ORC5: variants seen among roughly 807,000 people sequenced by gnomAD.
ORC5 encodes the protein protein phosphatase 1, regulatory subunit 117.
A neutral mutation model predicts 58.8 loss-of-function variants in ORC5; 39 were observed. The ratio of observed to expected loss-of-function variants is 0.66; its 90% CI spans 0.51 to 0.87. The LOEUF is 0.87. ORC5 is among the 40% of genes least tolerant of loss of function. ORC5 has a pLI of 0.00. For synonymous variants in ORC5, 218 were observed against 177.6 expected (o/e 1.23, Z -1.81); for missense variants, 493 against 506.3 (o/e 0.97, Z 0.25).
intron 12 of ORC5, among the ~76,000 whole-genome samples, chr7:104,154,827 C>T (rs1798898146): frequency 6.6e-6 from 1 of 151,574 alleles, no homozygotes; most frequent in Non-Finnish European, 1.5e-5. Flanking sequence ...ATAAATTTAC[C>T]ACATATCTAC....
At chr7:104,171,107 TAA>T (rs1799203500) in intron 8 of ORC5, among the ~76,000 whole-genome samples, 1 of 152,194 alleles carries the variant, frequency 6.6e-6, no homozygotes, top group Non-Finnish European at 1.5e-5. Flanking sequence ...CCATTTATTC[TAA>T]GTTATTGAAT....
intron 6 of ORC5, among the ~76,000 whole-genome samples, chr7:104,185,147 G>A (rs1411290121): frequency 6.6e-6 from 1 of 150,470 alleles, no homozygotes; most frequent in Admixed American, 6.6e-5. Context: ...ACCTAGGTGA[G>A]GGGTTGATAG....
intron 13 of ORC5, among the ~76,000 whole-genome samples, chr7:104,131,851 C>CAA (rs11306183): frequency 2.6e-5 from 3 of 115,592 alleles, no homozygotes; most frequent in Admixed American, 8.3e-5. Flanking sequence ...GATTCTGTCT[C>CAA]AAAAAAAAAA....
In ORC5 at chr7:104,179,550, T is replaced by C. The variant is rs943488880; in HGVS notation, c.824+4393A>G. On this transcript the variant is annotated intron_variant, in intron 8 of 13. Transcript: ENST00000297431. ...TATATTAGAAAGAAGTTTTTTTTTT[T>C]CCTAAGTATTGATCTGCTCTTAGTA... is the stretch of plus-strand genomic sequence containing the variant. 4.0e-5 allele frequency among the ~76,000 whole-genome samples: 6 copies of C among 151,892 alleles called. No homozygotes were observed. The South Asian group carries it at 1.2e-3, about 31-fold the overall frequency.
At chr7:104,151,671 A>T (rs1798849651) in intron 12 of ORC5, among the ~76,000 whole-genome samples, 1 of 152,194 alleles carries the variant, frequency 6.6e-6, no homozygotes, top group East Asian at 1.9e-4. Context: ...CCAGTGTCTG[A>T]CATATATGGG....
intron 12 of ORC5, among the ~76,000 whole-genome samples, chr7:104,154,082 C>T (rs1320451974): frequency 6.6e-6 from 1 of 151,974 alleles, no homozygotes; most frequent in Non-Finnish European, 1.5e-5. Context: ...GTATAATTTT[C>T]CATTATGAAG....
At chr7:104,148,665 T>C (rs1366500059) in intron 12 of ORC5, among the ~76,000 whole-genome samples, 1 of 152,194 alleles carries the variant, frequency 6.6e-6, no homozygotes, top group Non-Finnish European at 1.5e-5. Flanking sequence ...TTTAACCTAA[T>C]GACAGGTTAA....
chr7:104,187,229 G>C (rs1407350574), intron 6 of ORC5, among the ~76,000 whole-genome samples: 1 of 152,190 alleles, frequency 6.6e-6, no homozygotes, highest in Non-Finnish European at 1.5e-5. Flanking sequence ...GGGATCCCAA[G>C]ACATCCAACT....
intron 13 of ORC5, among the ~76,000 whole-genome samples, chr7:104,131,851 CAA>C (rs11306183): frequency 1.6e-4 from 19 of 115,604 alleles, no homozygotes; most frequent in Non-Finnish European, 1.4e-4. Context: ...GATTCTGTCT[CAA>C]AAAAAAAAAA....
intron 8 of ORC5, among the ~76,000 whole-genome samples, chr7:104,175,234 G>C (rs1276255075): frequency 1.3e-5 from 2 of 152,042 alleles, no homozygotes; most frequent in Non-Finnish European, 2.9e-5. Flanking sequence ...AGGAAAATTT[G>C]GAGCACAATG....
chr7:104,143,832 G>T (rs1394575732), intron 12 of ORC5, among the ~76,000 whole-genome samples: 1 of 152,026 alleles, frequency 6.6e-6, no homozygotes, highest in Non-Finnish European at 1.5e-5. Context: ...ATAAAGCAGT[G>T]AACAGGCCGG....
At position 104,136,275 on chromosome 7, in the gene ORC5, T is replaced by C. The variant is rs1259436817; in HGVS notation, c.1262+506A>G. ...CCACTCTCCTCGTGCCCCTTCAGTA[T>C]GTATCCATTTGTCTCTCTGAAAACT... On this transcript the variant is annotated intron_variant, in intron 13 of 13. Coordinates refer to ENST00000297431, the MANE Select transcript of ORC5 (RefSeq NM_002553.4). The surrounding 1 kb of genome is among the most constrained non-coding windows in gnomAD (Gnocchi z 4.2). Among the ~76,000 whole-genome samples, 3 of 152,054 alleles carry C rather than the reference T, an allele frequency of 2.0e-5. No individual in the cohort carries two copies. Among genetic ancestry groups the C allele is most frequent in the African/African-American group, 7.2e-5 (3 of 41,408 alleles).
chr7:104,203,426 G>A (rs1321163029), intron 2 of ORC5, among the ~76,000 whole-genome samples: 1 of 152,162 alleles, frequency 6.6e-6, no homozygotes, highest in Admixed American at 6.5e-5. Context: ...TTAAGAAAAA[G>A]ACTGCCCATC....
At chr7:104,203,884 A>ATT (rs1800007542) in intron 2 of ORC5, among the ~76,000 whole-genome samples, 1 of 152,216 alleles carries the variant, frequency 6.6e-6, no homozygotes, top group Non-Finnish European at 1.5e-5. Context: ...TGGAGACATG[A>ATT]TTTTAACAAT....
chr7:104,184,483 G>C (rs1296789120), intron 6 of ORC5: 1 of 257,412 alleles, frequency 3.9e-6, no homozygotes, highest in Non-Finnish European at 7.3e-6. Context: ...TGTAATTGTA[G>C]CTTATTACTA....
intron 12 of ORC5, among the ~76,000 whole-genome samples, chr7:104,153,804 T>C (rs1015356088): frequency 6.6e-6 from 1 of 152,162 alleles, no homozygotes; most frequent in African/African-American, 2.4e-5. Flanking sequence ...GATTTTAGGA[T>C]GTTACTCTTT....
Position 104,138,221 on chromosome 7 carries a change from TCAAA to T in ORC5, c.1150-1332_1150-1329del, listed in dbSNP as rs1584478794. Among the ~76,000 whole-genome samples the T allele has an allele frequency of 6.6e-6, 1 of 152,218 alleles. No homozygotes were observed. The highest frequency in any genetic ancestry group is 1.5e-5 in the Non-Finnish European group (1 of 68,034). On this transcript the variant is annotated intron_variant, in intron 12 of 13. Coordinates refer to ENST00000297431, the MANE Select transcript of ORC5 (RefSeq NM_002553.4). The surrounding 1 kb of genome is among the most constrained non-coding windows in gnomAD (Gnocchi z 4.7). ...CAAGATTCCTAGCTCAACAACTGAT[TCAAA>T]CAATCAGTCCCTAAGAATTCCACTA...
chr7:104,203,724 C>G (rs76024539), intron 2 of ORC5, among the ~76,000 whole-genome samples: 1 of 152,014 alleles, frequency 6.6e-6, no homozygotes, highest in African/African-American at 2.4e-5. Context: ...ATACAATGGG[C>G]GAATTACTTG....
intron 8 of ORC5, among the ~76,000 whole-genome samples, chr7:104,176,330 C>G (rs1391896365): frequency 6.6e-6 from 1 of 152,140 alleles, no homozygotes; most frequent in Non-Finnish European, 1.5e-5. Flanking sequence ...AGCTAGTTAT[C>G]TGGGAAAGGC....
Sources: allele counts gnomAD v4.1 joint callset (sites outside exome capture counted in the v4.1 genomes callset), GRCh38; gene constraint gnomAD v4.1.1; non-coding constraint Gnocchi (gnomAD v3.1); transcripts MANE v1.5; gene names NCBI Gene and HGNC (gene_info 2026-07-23, HGNC 2026-07-21).